Variants in CFAP44 observed in about 807,000 individuals in gnomAD.
CFAP44 encodes cilia- and flagella-associated protein 44.
A neutral mutation model predicts 216.2 loss-of-function variants in CFAP44; 134 were observed. That is an observed-to-expected ratio of 0.62 (90% CI 0.54 to 0.72). The LOEUF is 0.72. Among genes scored for constraint, CFAP44 ranks in the 30% least tolerant of loss-of-function variants. CFAP44 has a pLI of 0.00. For synonymous variants in CFAP44, 700 were observed against 727.6 expected (o/e 0.96, Z 0.61); for missense variants, 2,035 against 2,182.1 (o/e 0.93, Z 1.34).
At chr3:113,350,874 A>G (rs919954528) in intron 22 of CFAP44, among the ~76,000 whole-genome samples, 1 of 152,224 alleles carries the variant, frequency 6.6e-6, no homozygotes, top group African/African-American at 2.4e-5. Flanking sequence ...TTGGAAAAAG[A>G]TGATTTGACC....
intron 6 of CFAP44, among the ~76,000 whole-genome samples, chr3:113,411,698 TGGGG>T (rs1233898935): frequency 1.3e-5 from 2 of 152,238 alleles, no homozygotes; most frequent in African/African-American, 4.8e-5. Flanking sequence ...GGTAGCTTGA[TGGGG>T]ATGGCATTGA....
intron 22 of CFAP44, among the ~76,000 whole-genome samples, chr3:113,345,476 C>A (rs1263302115): frequency 3.3e-5 from 5 of 152,100 alleles, no homozygotes; most frequent in Non-Finnish European, 7.3e-5. Context: ...AGACCTTGAG[C>A]AGTTGAATAA....
chr3:113,413,099 T>C (rs999035310), intron 6 of CFAP44, among the ~76,000 whole-genome samples: 8 of 152,210 alleles, frequency 5.3e-5, no homozygotes, highest in Admixed American at 2.6e-4. Flanking sequence ...CATTGTAGTT[T>C]TGATTTGCAT....
At chr3:113,438,974 G>A (rs1411432445) in intron 1 of CFAP44, among the ~76,000 whole-genome samples, 4 of 152,122 alleles carry the variant, frequency 2.6e-5, no homozygotes, top group Non-Finnish European at 4.4e-5. Flanking sequence ...CGTAGGATCT[G>A]GACACTTTCC....
At chr3:113,335,190 A>C (rs938815590) in intron 24 of CFAP44, among the ~76,000 whole-genome samples, 1 of 152,222 alleles carries the variant, frequency 6.6e-6, no homozygotes, top group Non-Finnish European at 1.5e-5. Context: ...TGAACAAAAA[A>C]TATGTGAAAC....
At position 113,305,113 on chromosome 3, in the gene CFAP44, C is replaced by T; in HGVS notation, c.4798G>A (p.Ala1600Thr). 6.5e-7 allele frequency: 1 copy of T among 1,537,238 alleles called. No homozygotes were observed. Among genetic ancestry groups the T allele is most frequent in the Non-Finnish European group, 8.7e-7 (1 of 1,146,912 alleles). Reference protein sequence around the residue: ...VATNLNAAEEALEAYQREKQQ... With the variant: ...VATNLNAAEETLEAYQREKQQ... ...TTCTCTCGCTGATAAGCCTCCAGGGCCTCCTCTGCTGCATTCAGATTAGTT... is the reference window on the plus strand; with the variant it reads ...TTCTCTCGCTGATAAGCCTCCAGGGTCTCCTCTGCTGCATTCAGATTAGTT... The change falls in exon 31 of 35, where the codon GCC becomes ACC. Residue 1600 changes from alanine to threonine, a missense_variant. By Grantham distance (58) the Ala-to-Thr change is moderately conservative (BLOSUM62 0). Around this residue, in one of 3 missense-constraint regions of CFAP44, gnomAD observed 1,883 missense variants for 2,023.7 expected, o/e 0.93. Coordinates refer to ENST00000393845, the MANE Select transcript of CFAP44 (RefSeq NM_001164496.2).
At chr3:113,312,078 T>C (rs562314191) in intron 28 of CFAP44, among the ~76,000 whole-genome samples, 5 of 149,194 alleles carry the variant, frequency 3.4e-5, no homozygotes, top group African/African-American at 1.2e-4. Context: ...TGTGTGTTTT[T>C]TTTTTTTTTT....
At chr3:113,322,760 A>T (rs1304098216) in intron 28 of CFAP44, among the ~76,000 whole-genome samples, 1 of 152,244 alleles carries the variant, frequency 6.6e-6, no homozygotes, top group Non-Finnish European at 1.5e-5. Flanking sequence ...ATAGATCATT[A>T]TACCAAAAAG....
intron 15 of CFAP44, among the ~76,000 whole-genome samples, chr3:113,389,792 A>C (rs372533070): frequency 9.2e-5 from 14 of 152,274 alleles, no homozygotes; most frequent in African/African-American, 3.4e-4. Flanking sequence ...ACAACCTACC[A>C]AGACTGAACC....
rs138934568 is a variant in CFAP44, at chr3:113,414,293, T to C, written c.673+2232A>G. Among the ~76,000 whole-genome samples the C allele has an allele frequency of 8.1e-3, 1,239 of 152,324 alleles. 7 individuals are homozygous for C. The highest frequency in any genetic ancestry group is 0.014 in the Middle Eastern group (4 of 294). On this transcript the variant is annotated intron_variant, in intron 6 of 34. Transcript: ENST00000393845. The stretch of plus-strand genomic sequence containing the variant: ...ATGGGGTTTTCTAAATATAAAGTCA[T>C]GTCATCTGCAAACAGTGACAACTTG...
intron 9 of CFAP44, among the ~76,000 whole-genome samples, chr3:113,402,552 G>C (rs1315376009): frequency 6.6e-6 from 1 of 152,220 alleles, no homozygotes; most frequent in East Asian, 1.9e-4. Context: ...GAGACTTTGA[G>C]AAAGGAACTC....
intron 28 of CFAP44, among the ~76,000 whole-genome samples, chr3:113,323,571 C>G (rs1001566000): frequency 2.0e-5 from 3 of 152,002 alleles, no homozygotes; most frequent in Non-Finnish European, 4.4e-5. Context: ...ACATATACCG[C>G]CTGTATCTAA....
At chr3:113,353,126 A>T (rs1349529551) in intron 22 of CFAP44, among the ~76,000 whole-genome samples, 1 of 152,176 alleles carries the variant, frequency 6.6e-6, no homozygotes, top group Non-Finnish European at 1.5e-5. Flanking sequence ...TGATCCCTGC[A>T]TCTGGAAGTA....
In CFAP44 at chr3:113,398,975, T is replaced by C. The variant is rs560693073; in HGVS notation, c.1569+931A>G. Among the ~76,000 whole-genome samples the C allele has an allele frequency of 3.9e-5, 6 of 152,288 alleles. 1 individual carries two copies. The South Asian group carries it at 1.2e-3, about 32-fold the overall frequency. On this transcript the variant is annotated intron_variant, in intron 13 of 34. Transcript: ENST00000393845. ...ATTTTGACTTCTGGGGAATGGGCCA[T>C]AAAAGGTCATCAGCTTCTGCCTTTA...
At chr3:113,415,266 A>T (rs1462304370) in intron 6 of CFAP44, among the ~76,000 whole-genome samples, 2 of 151,860 alleles carry the variant, frequency 1.3e-5, no homozygotes, top group Non-Finnish European at 2.9e-5. Flanking sequence ...CTTCCTTATT[A>T]GTCTAGCTAG....
intron 22 of CFAP44, among the ~76,000 whole-genome samples, chr3:113,358,488 TCAAAA>T (rs1950511374): frequency 2.0e-5 from 3 of 152,092 alleles, no homozygotes; most frequent in South Asian, 2.1e-4. Context: ...AAATAATTCA[TCAAAA>T]CAAAGTAAAT....
At chr3:113,309,380 C>T (rs761313427) in intron 28 of CFAP44, among the ~76,000 whole-genome samples, 4 of 152,176 alleles carry the variant, frequency 2.6e-5, no homozygotes, top group East Asian at 1.9e-4. Flanking sequence ...CTATAAATCT[C>T]CACTTGTCCT....
intron 26 of CFAP44, among the ~76,000 whole-genome samples, chr3:113,328,707 A>AC (rs1950213158): frequency 8.3e-6 from 1 of 120,850 alleles, no homozygotes; most frequent in African/African-American, 4.9e-5. Context: ...AAAAAAAAAA[A>AC]AAAAAAAAAA....
chr3:113,363,555 T>A lies in CFAP44; in HGVS notation c.2716-23A>T, dbSNP rs1239632549. 4.4e-6 allele frequency: 7 copies of A among 1,574,538 alleles called. No homozygotes were observed. The Admixed American group carries it at 1.1e-4, about 24-fold the overall frequency. ...AAACTATAGGAAGGGAAGTAAAAGG[T>A]TAGCCCTTTAAAATTGCATAGCATT... On this transcript the variant is annotated intron_variant, in intron 19 of 34. Coordinates refer to ENST00000393845, the MANE Select transcript of CFAP44 (RefSeq NM_001164496.2).
Sources: allele counts gnomAD v4.1 joint callset (sites outside exome capture counted in the v4.1 genomes callset), GRCh38; gene constraint gnomAD v4.1.1; regional missense constraint gnomAD v4.1.1; transcripts MANE v1.5; gene names NCBI Gene and HGNC (gene_info 2026-07-23, HGNC 2026-07-21).